DLGAP4: variants seen among roughly 807,000 people sequenced by gnomAD.
The protein encoded by DLGAP4 is disks large-associated protein 4.
DLGAP4 carries 18 observed loss-of-function variants against 86.9 expected under a neutral mutation model. That is an observed-to-expected ratio of 0.21 (90% CI 0.14 to 0.31). The LOEUF (loss-of-function observed/expected upper bound fraction) is 0.31, where lower values mean the gene tolerates loss of function less well. Among genes scored for constraint, DLGAP4 ranks in the 10% least tolerant of loss-of-function variants. DLGAP4 has a pLI of 1.00. For missense variants in DLGAP4, 1,085 were observed against 1,362.6 expected (o/e 0.80, Z 3.21); for synonymous variants, 548 against 574.3 (o/e 0.95, Z 0.65).
intron 1 of DLGAP4, among the ~76,000 whole-genome samples, chr20:36,331,790 G>C (rs1243234749): frequency 6.6e-6 from 1 of 152,188 alleles, no homozygotes; most frequent in African/African-American, 2.4e-5. Flanking sequence ...GAGCAGCAGG[G>C]TGACAGGTGT....
rs757755418 is a variant in DLGAP4 at position 36,500,213 on chromosome 20, C to G, written c.2114C>G (p.Ser705Cys). The G allele has an allele frequency of 6.4e-7, 1 of 1,551,966 alleles. No homozygotes were observed. Among genetic ancestry groups the G allele is most frequent in the South Asian group, 1.2e-5 (1 of 81,796 alleles). ...CCTACCCACAGAAGCAGCGTCCCCTCTCACAGTATGTCCTCCCGACGGGAC... is the reference window on the plus strand; with the variant it reads ...CCTACCCACAGAAGCAGCGTCCCCTGTCACAGTATGTCCTCCCGACGGGAC... ...VEDDWRSSVP[S>C]HSMSSRRDTD... The change falls in exon 10 of 13, where the codon TCT becomes TGT. Residue 705 changes from serine to cysteine, a missense_variant. Physicochemically the swap from Ser to Cys is moderately radical, Grantham distance 112 (BLOSUM62 -1). This residue lies in a region of DLGAP4 where 1,082 missense variants were observed against 1,344.1 expected (regional missense o/e 0.81). Transcript: ENST00000339266. This position sits in a 1 kb window ranked among gnomAD's most constrained non-coding sequence, Gnocchi z 4.6.
intron 2 of DLGAP4, among the ~76,000 whole-genome samples, chr20:36,376,924 T>G (rs2031178420): frequency 6.6e-6 from 1 of 152,142 alleles, no homozygotes; most frequent in South Asian, 2.1e-4. Context: ...ACATAGGAAG[T>G]GCTTGGTGAC....
intron 10 of DLGAP4, among the ~76,000 whole-genome samples, chr20:36,509,106 C>A (rs2036545157): frequency 6.6e-6 from 1 of 152,176 alleles, no homozygotes; most frequent in Non-Finnish European, 1.5e-5. Flanking sequence ...ATACTCTATT[C>A]ATTCTTCTAT....
At chr20:36,442,589 T>C (rs1201101441) in intron 5 of DLGAP4, 138 bp from the exon 6 acceptor site, 2 of 889,922 alleles carry the variant, frequency 2.2e-6, no homozygotes, top group Non-Finnish European at 3.6e-6. Context: ...AAGTGAGACC[T>C]CCTAGCAGCT....
chr20:36,506,057 C>T (rs1287590603), intron 10 of DLGAP4, among the ~76,000 whole-genome samples: 2 of 152,116 alleles, frequency 1.3e-5, no homozygotes, highest in African/African-American at 4.8e-5. Context: ...TATTCCTTTT[C>T]ATAGTAAGTC....
intron 7 of DLGAP4, among the ~76,000 whole-genome samples, chr20:36,450,174 GC>G (rs1164996312): frequency 6.6e-6 from 1 of 152,120 alleles, no homozygotes; most frequent in East Asian, 1.9e-4. Context: ...TATTCATATG[GC>G]AAAGGGTGTG....
intron 8 of DLGAP4, chr20:36,497,668 C>G: frequency 1.0e-6 from 1 of 983,226 alleles, no homozygotes; most frequent in Non-Finnish European, 1.2e-6. Context: ...CTGCCTCCCT[C>G]CATGGGATAG....
chr20:36,386,600 G>T, intron 2 of DLGAP4, among the ~76,000 whole-genome samples: 1 of 152,068 alleles, frequency 6.6e-6, no homozygotes, highest in East Asian at 1.9e-4. Flanking sequence ...TTGGGGGAAG[G>T]GGGAGACAGG....
At chr20:36,365,474 G>C (rs1197451884) in intron 1 of DLGAP4, among the ~76,000 whole-genome samples, 1 of 152,184 alleles carries the variant, frequency 6.6e-6, no homozygotes, top group Non-Finnish European at 1.5e-5. Flanking sequence ...CTTTTATTCA[G>C]GTGGCTATGC....
chr20:36,381,759 A>G (rs935757682), intron 2 of DLGAP4, among the ~76,000 whole-genome samples: 1 of 152,038 alleles, frequency 6.6e-6, no homozygotes, highest in African/African-American at 2.4e-5. Context: ...TGGTGGGGCT[A>G]TCGCTGATGC....
intron 2 of DLGAP4, among the ~76,000 whole-genome samples, chr20:36,419,964 G>A (rs982341036): frequency 6.6e-6 from 1 of 152,126 alleles, no homozygotes; most frequent in African/African-American, 2.4e-5. Context: ...TGCCATGGTG[G>A]ATGCAATATT....
At chr20:36,461,955 GA>G in intron 7 of DLGAP4, 1 of 984,506 alleles carries the variant, frequency 1.0e-6, no homozygotes. Context: ...CTTTCTGGGC[GA>G]CCCCACTCTT....
intron 1 of DLGAP4, among the ~76,000 whole-genome samples, chr20:36,358,451 C>T (rs2030405483): frequency 6.6e-6 from 1 of 152,220 alleles, no homozygotes; most frequent in African/African-American, 2.4e-5. Context: ...ACATGTGTTG[C>T]AGTGCCTGGC....
intron 7 of DLGAP4, among the ~76,000 whole-genome samples, chr20:36,457,796 C>T (rs2033917401): frequency 2.6e-5 from 4 of 151,768 alleles, no homozygotes; most frequent in Admixed American, 2.6e-4. Flanking sequence ...ATTACAGGCA[C>T]ACCCAGCTAA....
intron 7 of DLGAP4, among the ~76,000 whole-genome samples, chr20:36,484,674 T>C (rs2147719886): frequency 6.6e-6 from 1 of 152,354 alleles, no homozygotes; most frequent in East Asian, 1.9e-4. Flanking sequence ...CCTGGCTGCC[T>C]CCACCTCAAG....
At chr20:36,395,875 A>G (rs2031932641) in intron 2 of DLGAP4, among the ~76,000 whole-genome samples, 2 of 152,098 alleles carry the variant, frequency 1.3e-5, no homozygotes, top group African/African-American at 4.8e-5. Flanking sequence ...GGCCCTCACC[A>G]TCAAGTCCAT....
At chr20:36,387,733 G>A (rs1292308474) in intron 2 of DLGAP4, among the ~76,000 whole-genome samples, 1 of 152,190 alleles carries the variant, frequency 6.6e-6, no homozygotes, top group East Asian at 1.9e-4. Context: ...TATTGTCCCA[G>A]CAGCATTAAT....
chr20:36,511,404 A>G (rs770033615), intron 10 of DLGAP4, among the ~76,000 whole-genome samples: 3 of 151,782 alleles, frequency 2.0e-5, no homozygotes, highest in Non-Finnish European at 4.4e-5. Context: ...GGGTCTCACT[A>G]TGTTGTCCAG....
rs768804933 is a variant in DLGAP4, at chr20:36,432,563, G to A, written c.846G>A (p.Val282=). Residue 282 remains valine (V), a synonymous_variant, in exon 3 of 13, where the codon GTG becomes GTA. Transcript: ENST00000339266. The surrounding 1 kb of genome is among the most constrained non-coding windows in gnomAD (Gnocchi z 6.5). ...CAGCCACCTGCCCCAGCCTTGGGGTGGGCACTGACACCAACTACGTCAAAC... is the reference window on the plus strand; with the variant it reads ...CAGCCACCTGCCCCAGCCTTGGGGTAGGCACTGACACCAACTACGTCAAAC... The part of the protein sequence containing the change: ...APPATCPSLG[V]GTDTNYVKRG... 67 of 1,609,092 alleles carry A rather than the reference G, an allele frequency of 4.2e-5. No homozygotes were observed. Among genetic ancestry groups the A allele is most frequent in the Non-Finnish European group, 5.7e-5 (67 of 1,178,234 alleles).
Sources: gnomAD v4.1 joint callset for allele counts (sites outside exome capture counted in the v4.1 genomes callset) on GRCh38, gnomAD v4.1.1 for gene constraint, gnomAD v4.1.1 regional missense constraint, Gnocchi (gnomAD v3.1) non-coding constraint, MANE v1.5 for transcripts, NCBI Gene and HGNC (gene_info 2026-07-23, HGNC 2026-07-21) for gene names.